The following VWA3A variants were observed in gnomAD, a reference collection of about 807,000 sequenced individuals.
VWA3A encodes von Willebrand factor A domain-containing protein 3A.
Under a neutral mutation model 160.4 loss-of-function variants are expected in VWA3A, and 134 were observed. The observed-to-expected ratio is 0.84, with a 90% CI of 0.73 to 0.96. The LOEUF (loss-of-function observed/expected upper bound fraction) is 0.96, where lower values mean the gene tolerates loss of function less well. Ranked by LOEUF, VWA3A falls within the 40% of genes least tolerant of loss-of-function variation. VWA3A has a pLI of 0.00. For missense variants in VWA3A, 1,310 were observed against 1,447.9 expected (o/e 0.90, Z 1.55); for synonymous variants, 476 against 543.4 (o/e 0.88, Z 1.72).
chr16:22,134,480 A>G, intron 21 of VWA3A, 42 bp downstream of exon 21: 1 of 1,505,178 alleles, frequency 6.6e-7, no homozygotes, highest in South Asian at 1.2e-5. Flanking sequence ...TGCCTTTTGT[A>G]TTCATTTCCT....
At chr16:22,131,162 G>A (rs1202077069) in intron 17 of VWA3A, 43 bp from the exon 18 acceptor site, 3 of 1,595,412 alleles carry the variant, frequency 1.9e-6, no homozygotes. Context: ...CCACCAAGTG[G>A]ACCTCCCCCA....
chr16:22,104,844 A>C (rs1198673554), intron 6 of VWA3A, among the ~76,000 whole-genome samples: 1 of 152,084 alleles, frequency 6.6e-6, no homozygotes, highest in African/African-American at 2.4e-5. Context: ...CTTAGGCACA[A>C]TCTTCAGCTC....
At chr16:22,135,777 G>T (rs2046029414) in intron 21 of VWA3A, among the ~76,000 whole-genome samples, 1 of 151,924 alleles carries the variant, frequency 6.6e-6, no homozygotes, top group Admixed American at 6.6e-5. Context: ...ATTAGTTAGG[G>T]TTTTGTTTTT....
intron 6 of VWA3A, among the ~76,000 whole-genome samples, chr16:22,108,472 ACT>A (rs1411610840): frequency 6.6e-6 from 1 of 151,956 alleles, no homozygotes; most frequent in Non-Finnish European, 1.5e-5. Context: ...AGGTCAGTAG[ACT>A]CTGCATGGAA....
chr16:22,149,100 A>G (rs115450922), intron 28 of VWA3A, among the ~76,000 whole-genome samples: 2,457 of 151,954 alleles, frequency 0.016, 58 homozygotes, highest in African/African-American at 0.057. Flanking sequence ...CATTTCATCA[A>G]CTCTCACAAT....
chr16:22,109,750 A>G (rs897205551), intron 7 of VWA3A, among the ~76,000 whole-genome samples, 170 bp downstream of exon 7: 2 of 152,242 alleles, frequency 1.3e-5, no homozygotes, highest in Non-Finnish European at 1.5e-5. Flanking sequence ...TGAATTCTAC[A>G]AAACCCAACC....
intron 12 of VWA3A, among the ~76,000 whole-genome samples, chr16:22,120,444 CAT>C (rs2045712559): frequency 6.6e-6 from 1 of 152,144 alleles, no homozygotes. Flanking sequence ...ATTAATGTTA[CAT>C]ATTGATTCTT....
intron 20 of VWA3A, among the ~76,000 whole-genome samples, chr16:22,134,077 C>T (rs1040519605): frequency 9.2e-5 from 14 of 152,160 alleles, no homozygotes; most frequent in African/African-American, 3.4e-4. Flanking sequence ...AATCCTCCCA[C>T]CCCAGCCTCC....
At chr16:22,129,388 C>CAA (rs1193879527) in intron 17 of VWA3A, among the ~76,000 whole-genome samples, 3 of 99,376 alleles carry the variant, frequency 3.0e-5, no homozygotes, top group Non-Finnish European at 7.1e-5. Context: ...GACTCCATCT[C>CAA]AAAAAAAAAA....
intron 1 of VWA3A, among the ~76,000 whole-genome samples, chr16:22,094,495 A>G (rs894647225): frequency 1.3e-5 from 2 of 152,122 alleles, no homozygotes; most frequent in Non-Finnish European, 2.9e-5. Flanking sequence ...AACTTTATTC[A>G]GAGTCTCTCA....
intron 17 of VWA3A, among the ~76,000 whole-genome samples, chr16:22,129,885 T>C (rs925405135): frequency 1.3e-5 from 2 of 152,076 alleles, no homozygotes; most frequent in African/African-American, 4.8e-5. Context: ...ATTCCTGCAC[T>C]GCTCTAAAGG....
chr16:22,108,605 C>T (rs750699485), intron 6 of VWA3A, among the ~76,000 whole-genome samples: 2 of 152,070 alleles, frequency 1.3e-5, no homozygotes, highest in African/African-American at 4.8e-5. Flanking sequence ...GTAAAATACT[C>T]TCTGAGAGCA....
At chr16:22,122,118 ATGAT>A (rs1272417671) in intron 14 of VWA3A, among the ~76,000 whole-genome samples, 2 of 140,140 alleles carry the variant, frequency 1.4e-5, no homozygotes, top group East Asian at 2.1e-4. Flanking sequence ...AAGGAAAAGA[ATGAT>A]GGATGGATGG....
intron 21 of VWA3A, among the ~76,000 whole-genome samples, chr16:22,137,467 C>T (rs1265406413): frequency 6.6e-6 from 1 of 152,208 alleles, no homozygotes; most frequent in African/African-American, 2.4e-5. Context: ...TGAAGTTTCT[C>T]TACACACTGA....
intron 21 of VWA3A, among the ~76,000 whole-genome samples, chr16:22,135,423 G>T (rs1184706649): frequency 6.6e-6 from 1 of 152,110 alleles, no homozygotes; most frequent in Non-Finnish European, 1.5e-5. Flanking sequence ...ATGCCTCACC[G>T]TAATTTGTAT....
At chr16:22,117,213 T>G (rs1309562812) in intron 11 of VWA3A, 37 bp downstream of exon 11, 1 of 1,556,732 alleles carries the variant, frequency 6.4e-7, no homozygotes, top group Non-Finnish European at 8.7e-7. Flanking sequence ...CCTCTTCTTC[T>G]CTCCTTGTCT....
intron 19 of VWA3A, 42 bp from the exon 20 acceptor site, chr16:22,132,858 G>A: frequency 1.3e-6 from 2 of 1,582,882 alleles, no homozygotes; most frequent in Non-Finnish European, 1.7e-6. Flanking sequence ...CAGCTTCAAG[G>A]CCCTCAGCTG....
At chr16:22,154,306 T>G (rs2046398481) in intron 31 of VWA3A, among the ~76,000 whole-genome samples, 1 of 150,586 alleles carries the variant, frequency 6.6e-6, no homozygotes, top group Non-Finnish European at 1.5e-5. Context: ...AGGGATGGCT[T>G]CCTCTTTTTT....
At chr16:22,151,275 C>CA (rs528478882) in intron 30 of VWA3A, among the ~76,000 whole-genome samples, 15,961 of 104,782 alleles carry the variant, frequency 0.15, 1,187 homozygotes, top group East Asian at 0.49. Flanking sequence ...GTGAGACTGT[C>CA]AAAAAAAAAA....
Sources: allele counts gnomAD v4.1 joint callset (sites outside exome capture counted in the v4.1 genomes callset), GRCh38; gene constraint gnomAD v4.1.1; transcripts MANE v1.5; gene names NCBI Gene and HGNC (gene_info 2026-07-23, HGNC 2026-07-21).